PAK1: variants seen among roughly 807,000 people sequenced by gnomAD.
The protein encoded by PAK1 is serine/threonine-protein kinase PAK 1.
Under a neutral mutation model 67.4 loss-of-function variants are expected in PAK1, and 29 were observed. The observed-to-expected ratio is 0.43, with a 90% CI of 0.32 to 0.59. PAK1 has a LOEUF of 0.59. PAK1 is among the 20% of genes least tolerant of loss of function. PAK1 has a pLI of 0.07. For missense variants in PAK1, 337 were observed against 670.7 expected, an observed-to-expected ratio of 0.50 and a Z score of 5.50; for synonymous variants, 223 against 237.4, an observed-to-expected ratio of 0.94 and a Z score of 0.56.
chr11:77,376,785 CA>C (rs551740040), intron 4 of PAK1, among the ~76,000 whole-genome samples: 5 of 148,828 alleles, frequency 3.4e-5, no homozygotes, highest in South Asian at 4.4e-4. Flanking sequence ...AAATACTTGA[CA>C]AAAAAATTAG....
intron 2 of PAK1, among the ~76,000 whole-genome samples, chr11:77,386,837 G>A (rs1030295451): frequency 2.6e-5 from 4 of 152,260 alleles, no homozygotes; most frequent in African/African-American, 9.6e-5. Context: ...ACAGTGGTGT[G>A]ATCTCAGCTC....
At chr11:77,368,805 C>G (rs1466307823) in intron 5 of PAK1, among the ~76,000 whole-genome samples, 1 of 152,034 alleles carries the variant, frequency 6.6e-6, no homozygotes, top group African/African-American at 2.4e-5. Flanking sequence ...TACAGGCACA[C>G]AACACCAAGC....
chr11:77,407,424 G>A (rs1385903773), intron 1 of PAK1, among the ~76,000 whole-genome samples: 1 of 152,130 alleles, frequency 6.6e-6, no homozygotes, highest in Non-Finnish European at 1.5e-5. Flanking sequence ...TTTTTCGAGG[G>A]CAGAGAAAGG....
chr11:77,368,382 G>T (rs182121693), intron 5 of PAK1, among the ~76,000 whole-genome samples: 1 of 152,204 alleles, frequency 6.6e-6, no homozygotes, highest in Non-Finnish European at 1.5e-5. Context: ...TTAATTAAAC[G>T]TGAGGGTAGC....
At chr11:77,446,355 T>C (rs1956600680) in intron 1 of PAK1, among the ~76,000 whole-genome samples, 1 of 151,536 alleles carries the variant, frequency 6.6e-6, no homozygotes, top group South Asian at 2.1e-4. Context: ...CTACTAAAAA[T>C]ACAAAAATTA....
the PAK1 span, among the ~76,000 whole-genome samples, chr11:77,496,923 T>A: frequency 6.6e-6 from 1 of 151,766 alleles, no homozygotes; most frequent in South Asian, 2.1e-4. Context: ...ACAGACTATG[T>A]CTCCAAAAAA....
At chr11:77,379,494 T>C in intron 3 of PAK1, 106 bp from the exon 4 acceptor site, 2 of 996,946 alleles carry the variant, frequency 2.0e-6, no homozygotes, top group Non-Finnish European at 3.0e-6. Context: ...GATGCATTTA[T>C]TAGTCATTCC....
chr11:77,443,105 A>G (rs1214151363), intron 1 of PAK1, among the ~76,000 whole-genome samples: 1 of 152,104 alleles, frequency 6.6e-6, no homozygotes, highest in Non-Finnish European at 1.5e-5. Flanking sequence ...TGGGTGGATC[A>G]CGAGGTCAGG....
At chr11:77,373,313 T>C (rs2844335) in intron 5 of PAK1, among the ~76,000 whole-genome samples, 9,910 of 152,002 alleles carry the variant, frequency 0.065, 740 homozygotes, top group East Asian at 0.25. Flanking sequence ...GGCAGGAGGA[T>C]CACTTGAAGC....
intron 13 of PAK1, among the ~76,000 whole-genome samples, chr11:77,334,199 TA>T (rs201038504): frequency 0.031 from 4,634 of 151,008 alleles, 130 homozygotes; most frequent in African/African-American, 0.075. Context: ...AATAAAAAAA[TA>T]AAAAAATATG....
upstream of PAK1, chr11:77,474,248 G>T (rs949539116): frequency 6.6e-6 from 1 of 151,292 alleles, no homozygotes; most frequent in South Asian, 2.1e-4. Context: ...CGGTGGAGCC[G>T]TGCCCGCCCC....
chr11:77,332,991 T>A (rs988049109), intron 13 of PAK1, 124 bp from the exon 14 acceptor site: 7 of 825,586 alleles, frequency 8.5e-6, no homozygotes, highest in Non-Finnish European at 1.4e-5. Flanking sequence ...CAGCTGTGTA[T>A]ATATACTGGA....
the PAK1 span, among the ~76,000 whole-genome samples, chr11:77,495,336 C>G: frequency 6.7e-6 from 1 of 148,700 alleles, no homozygotes; most frequent in Non-Finnish European, 1.5e-5. Context: ...TAGCCAGGCG[C>G]GGTGGTGCAT....
At chr11:77,492,947 C>A in the PAK1 span, among the ~76,000 whole-genome samples, 1 of 152,134 alleles carries the variant, frequency 6.6e-6, no homozygotes, top group Non-Finnish European at 1.5e-5. Flanking sequence ...AAAAAGCCGA[C>A]CAGATTTCAG....
the PAK1 span, among the ~76,000 whole-genome samples, chr11:77,491,300 TAAC>T: frequency 2.0e-5 from 3 of 151,514 alleles, no homozygotes; most frequent in Middle Eastern, 3.4e-3. Context: ...TCAAAAATAA[TAAC>T]TACAACATAG....
chr11:77,369,915 C>G (rs1193202668), intron 5 of PAK1, among the ~76,000 whole-genome samples: 1 of 152,046 alleles, frequency 6.6e-6, no homozygotes, highest in Admixed American at 6.6e-5. Context: ...GCTAATTTTC[C>G]TTCCTTATCT....
At chr11:77,334,875 A>G (rs1942391453) in intron 13 of PAK1, among the ~76,000 whole-genome samples, 1 of 152,126 alleles carries the variant, frequency 6.6e-6, no homozygotes, top group South Asian at 2.1e-4. Flanking sequence ...CTCTTCTTCC[A>G]CTTTCATGAA....
the PAK1 span, among the ~76,000 whole-genome samples, chr11:77,487,171 CCTGGATGACATTTCTATACACACT>C: frequency 1.3e-5 from 2 of 152,012 alleles, no homozygotes; most frequent in Non-Finnish European, 2.9e-5. Context: ...GGCCCTAGCT[CCTGGATGACATTTCTATACACACT>C]CTGGGCCAGA....
the PAK1 span, among the ~76,000 whole-genome samples, chr11:77,507,456 A>G: frequency 6.6e-6 from 1 of 152,196 alleles, no homozygotes; most frequent in African/African-American, 2.4e-5. Flanking sequence ...TAAGGTTTGA[A>G]CAGTGCTTTC....
Sources: allele counts gnomAD v4.1 joint callset (sites outside exome capture counted in the v4.1 genomes callset), GRCh38; gene constraint gnomAD v4.1.1; transcripts MANE v1.5; gene names NCBI Gene and HGNC (gene_info 2026-07-23, HGNC 2026-07-21).